KCND2: variants seen among roughly 807,000 people sequenced by gnomAD.
The protein encoded by KCND2 is potassium voltage-gated channel subfamily D member 2.
KCND2 carries 16 observed loss-of-function variants against 54.4 expected under a neutral mutation model. That is an observed-to-expected ratio of 0.29 (90% CI 0.20 to 0.45). The LOEUF (loss-of-function observed/expected upper bound fraction) is 0.45, where lower values mean the gene tolerates loss of function less well. Ranked by LOEUF, KCND2 falls within the 20% of genes least tolerant of loss-of-function variation. The pLI is 1.00. For synonymous variants in KCND2, 317 were observed against 310.7 expected (o/e 1.02, Z -0.21); for missense variants, 486 against 824.2 (o/e 0.59, Z 5.02).
chr7:120,623,278 T>C (rs754911582), intron 1 of KCND2, among the ~76,000 whole-genome samples: 4 of 152,182 alleles, frequency 2.6e-5, no homozygotes, highest in Non-Finnish European at 4.4e-5. Flanking sequence ...TTATTATTAA[T>C]GGTATTTCAT....
chr7:120,724,265 T>C (rs909628742), intron 1 of KCND2, among the ~76,000 whole-genome samples: 1 of 152,118 alleles, frequency 6.6e-6, no homozygotes, highest in South Asian at 2.1e-4. Flanking sequence ...AATTCTACTC[T>C]CTCAGTTGCA....
At chr7:120,583,647 A>G (rs1038416620) in intron 1 of KCND2, among the ~76,000 whole-genome samples, 1 of 152,036 alleles carries the variant, frequency 6.6e-6, no homozygotes, top group African/African-American at 2.4e-5. Flanking sequence ...TTCTCTTCTT[A>G]TAAAGACACC....
At chr7:120,594,992 C>A (rs1484312538) in intron 1 of KCND2, among the ~76,000 whole-genome samples, 1 of 151,174 alleles carries the variant, frequency 6.6e-6, no homozygotes, top group Non-Finnish European at 1.5e-5. Flanking sequence ...TGCACTCCAG[C>A]CTTGGCAACA....
intron 1 of KCND2, among the ~76,000 whole-genome samples, chr7:120,518,897 A>T (rs545134259): frequency 6.6e-6 from 1 of 152,294 alleles, no homozygotes; most frequent in African/African-American, 2.4e-5. Context: ...ACCCAATATA[A>T]TCACATGAGC....
chr7:120,522,600 T>C (rs1791712624), intron 1 of KCND2, among the ~76,000 whole-genome samples: 1 of 152,196 alleles, frequency 6.6e-6, no homozygotes, highest in Admixed American at 6.6e-5. Flanking sequence ...CAAACACTGT[T>C]ACAAATCCTC....
chr7:120,709,087 A>G (rs1792506735), intron 1 of KCND2, among the ~76,000 whole-genome samples: 1 of 152,114 alleles, frequency 6.6e-6, no homozygotes, highest in Non-Finnish European at 1.5e-5. Context: ...AGGCTGCATA[A>G]TTTCCAGGGC....
At chr7:120,434,791 T>G (rs960703846) in intron 1 of KCND2, among the ~76,000 whole-genome samples, 1 of 151,242 alleles carries the variant, frequency 6.6e-6, no homozygotes, top group South Asian at 2.1e-4. Flanking sequence ...TAGTTTATTT[T>G]CACTGCTGTG....
At chr7:120,469,864 A>G (rs1802428981) in intron 1 of KCND2, among the ~76,000 whole-genome samples, 1 of 152,170 alleles carries the variant, frequency 6.6e-6, no homozygotes, top group African/African-American at 2.4e-5. Flanking sequence ...AGACTAAAAA[A>G]CTATCTTCTG....
At chr7:120,677,971 G>A (rs1792087647) in intron 1 of KCND2, among the ~76,000 whole-genome samples, 1 of 151,966 alleles carries the variant, frequency 6.6e-6, no homozygotes, top group Non-Finnish European at 1.5e-5. Flanking sequence ...AATCAATGTT[G>A]CATCTATATC....
chr7:120,681,094 A>G (rs1021404847), intron 1 of KCND2, among the ~76,000 whole-genome samples: 1 of 152,122 alleles, frequency 6.6e-6, no homozygotes, highest in Non-Finnish European at 1.5e-5. Flanking sequence ...CTGAAGCCAT[A>G]TAAACAAGCA....
At chr7:120,423,422 C>A (rs547684170) in intron 1 of KCND2, among the ~76,000 whole-genome samples, 1 of 152,312 alleles carries the variant, frequency 6.6e-6, no homozygotes, top group East Asian at 1.9e-4. Flanking sequence ...TTAGGAGAGG[C>A]AGTTCTTTGG....
chr7:120,514,648 C>A (rs143946416), intron 1 of KCND2, among the ~76,000 whole-genome samples: 22 of 152,040 alleles, frequency 1.4e-4, no homozygotes, highest in African/African-American at 5.1e-4. Context: ...GCAGTGGTCC[C>A]CAACCTTTTT....
chr7:120,437,070 G>C (rs950625688), intron 1 of KCND2, among the ~76,000 whole-genome samples: 1 of 151,984 alleles, frequency 6.6e-6, no homozygotes, highest in Non-Finnish European at 1.5e-5. Flanking sequence ...AAGCAAATAT[G>C]GGAAAAACAA....
intron 1 of KCND2, among the ~76,000 whole-genome samples, chr7:120,700,535 T>C (rs1792387268): frequency 1.3e-5 from 2 of 152,322 alleles, no homozygotes; most frequent in South Asian, 4.1e-4. Flanking sequence ...CCCATTTAGA[T>C]ATGCTCTTAC....
At chr7:120,568,981 G>A (rs1033237560) in intron 1 of KCND2, among the ~76,000 whole-genome samples, 6 of 151,814 alleles carry the variant, frequency 4.0e-5, no homozygotes, top group Admixed American at 1.3e-4. Context: ...ACCTCTGGTC[G>A]CCCTATCATT....
intron 1 of KCND2, among the ~76,000 whole-genome samples, chr7:120,360,317 A>G (rs1800575367): frequency 6.6e-6 from 1 of 152,050 alleles, no homozygotes; most frequent in African/African-American, 2.4e-5. Flanking sequence ...CTTTGGTTTT[A>G]TAACTTTTCT....
At chr7:120,476,709 C>G (rs1245162741) in intron 1 of KCND2, among the ~76,000 whole-genome samples, 1 of 152,090 alleles carries the variant, frequency 6.6e-6, no homozygotes, top group African/African-American at 2.4e-5. Context: ...CATCTTACTC[C>G]TACTTTCAAA....
rs967295020 is a variant in KCND2 at position 120,666,424 on chromosome 7, A to G, written c.1116-66479A>G. Among the ~76,000 whole-genome samples the G allele has an allele frequency of 1.3e-4, 19 of 151,930 alleles. 1 individual carries two copies. Among genetic ancestry groups the G allele is most frequent in the Non-Finnish European group, 5.9e-5 (4 of 67,916 alleles). ...ATAAGGTAAAAGATGCCATTGTTTT[A>G]CTTAAAGAATCAATAATCTAGTATG... On this transcript the variant is annotated intron_variant, in intron 1 of 5. Coordinates refer to ENST00000331113, the MANE Select transcript of KCND2 (RefSeq NM_012281.3).
intron 1 of KCND2, among the ~76,000 whole-genome samples, chr7:120,365,741 G>T (rs1367360977): frequency 6.6e-6 from 1 of 152,014 alleles, no homozygotes; most frequent in African/African-American, 2.4e-5. Flanking sequence ...TGCACCTACA[G>T]GAAAAGATAA....
Sources: allele counts gnomAD v4.1 joint callset (sites outside exome capture counted in the v4.1 genomes callset), GRCh38; gene constraint gnomAD v4.1.1; transcripts MANE v1.5; gene names NCBI Gene and HGNC (gene_info 2026-07-23, HGNC 2026-07-21).